The following NRG3 variants were observed in gnomAD, a reference collection of about 807,000 sequenced individuals.
NRG3 encodes neuregulin 3.
In NRG3, 31 loss-of-function variants were observed where a neutral mutation model predicts 66.9. The ratio of observed to expected loss-of-function variants is 0.46; its 90% confidence interval spans 0.35 to 0.63. NRG3 has a LOEUF of 0.63. Ranked by LOEUF, NRG3 falls within the 20% of genes least tolerant of loss-of-function variation. NRG3 has a pLI of 0.00. For synonymous variants in NRG3, 393 were observed against 359.4 expected (o/e 1.09, Z -1.06); for missense variants, 910 against 878.9 (o/e 1.04, Z -0.45).
intron 1 of NRG3, among the ~76,000 whole-genome samples, chr10:82,297,131 C>G (rs1589631829): frequency 6.6e-6 from 1 of 152,164 alleles, no homozygotes; most frequent in Non-Finnish European, 1.5e-5. Context: ...TTTATGGCTG[C>G]ATAGTATTCC....
intron 1 of NRG3, among the ~76,000 whole-genome samples, chr10:82,100,773 A>AT (rs1449026885): frequency 6.6e-6 from 1 of 151,838 alleles, no homozygotes; most frequent in Admixed American, 6.6e-5. Context: ...GTTTTCTAAT[A>AT]TTTTTTGTGC....
At chr10:82,682,946 ATTTTTTTT>A (rs71009814) in intron 2 of NRG3, among the ~76,000 whole-genome samples, 4 of 65,354 alleles carry the variant, frequency 6.1e-5, no homozygotes, top group Admixed American at 4.9e-4. Context: ...CCATGTCTTA[ATTTTTTTT>A]TTTTTTTTTT....
At chr10:82,968,984 A>G (rs1207358664) in intron 6 of NRG3, among the ~76,000 whole-genome samples, 3 of 152,204 alleles carry the variant, frequency 2.0e-5, no homozygotes, top group Admixed American at 6.5e-5. Context: ...AAACTATCAG[A>G]TCTCATGAGA....
intron 2 of NRG3, among the ~76,000 whole-genome samples, chr10:82,542,038 G>A (rs2043578438): frequency 6.6e-6 from 1 of 152,260 alleles, no homozygotes; most frequent in South Asian, 2.1e-4. Flanking sequence ...AGCCCCGCAT[G>A]CATTAGGTAT....
chr10:82,683,125 AT>A (rs1443635052), intron 2 of NRG3, among the ~76,000 whole-genome samples: 8 of 151,472 alleles, frequency 5.3e-5, no homozygotes, highest in African/African-American at 1.7e-4. Flanking sequence ...CGCCCGGCTA[AT>A]TTTTTGTATT....
At chr10:82,764,693 T>A (rs1054479416) in intron 3 of NRG3, among the ~76,000 whole-genome samples, 3 of 152,152 alleles carry the variant, frequency 2.0e-5, no homozygotes, top group Non-Finnish European at 2.9e-5. Flanking sequence ...AAAAAATTTT[T>A]AAAAAAGATA....
intron 1 of NRG3, among the ~76,000 whole-genome samples, chr10:82,309,157 T>C (rs1049702283): frequency 6.6e-6 from 1 of 152,194 alleles, no homozygotes; most frequent in Non-Finnish European, 1.5e-5. Context: ...CCCGTCAAGC[T>C]CTGAATAGAG....
intron 2 of NRG3, among the ~76,000 whole-genome samples, chr10:82,415,633 C>A (rs1395741423): frequency 1.3e-5 from 2 of 152,090 alleles, no homozygotes; most frequent in Non-Finnish European, 2.9e-5. Flanking sequence ...TCCAAGCACA[C>A]TTGAATTTAT....
intron 2 of NRG3, among the ~76,000 whole-genome samples, chr10:82,474,636 G>A (rs1345679819): frequency 6.6e-6 from 1 of 152,028 alleles, no homozygotes; most frequent in African/African-American, 2.4e-5. Flanking sequence ...CATTACCAAG[G>A]GGACCAATGT....
intron 1 of NRG3, among the ~76,000 whole-genome samples, chr10:82,342,095 T>C (rs2082715345): frequency 1.3e-5 from 2 of 149,658 alleles, no homozygotes; most frequent in Admixed American, 1.3e-4. Context: ...TATCATACTA[T>C]ATGATATATA....
At chr10:82,897,415 T>C (rs1236395607) in intron 4 of NRG3, among the ~76,000 whole-genome samples, 2 of 152,218 alleles carry the variant, frequency 1.3e-5, no homozygotes, top group Non-Finnish European at 2.9e-5. Flanking sequence ...AAGATCCATC[T>C]TGAATATAAC....
intron 1 of NRG3, among the ~76,000 whole-genome samples, chr10:82,255,274 A>T (rs563131969): frequency 6.6e-6 from 1 of 152,298 alleles, no homozygotes; most frequent in African/African-American, 2.4e-5. Context: ...ACAGACAAGC[A>T]AAATCTGAGA....
At chr10:82,749,534 C>G (rs973712382) in intron 3 of NRG3, among the ~76,000 whole-genome samples, 8 of 152,112 alleles carry the variant, frequency 5.3e-5, no homozygotes, top group Middle Eastern at 3.2e-3. Flanking sequence ...GCTCAACTCT[C>G]CATACAGTTT....
intron 1 of NRG3, among the ~76,000 whole-genome samples, chr10:82,180,839 T>C (rs1309011148): frequency 6.6e-6 from 1 of 151,886 alleles, no homozygotes; most frequent in Non-Finnish European, 1.5e-5. Context: ...CCTCTTTAAG[T>C]GTTTAGTAGA....
At chr10:82,186,288 A>G (rs1221986817) in intron 1 of NRG3, among the ~76,000 whole-genome samples, 1 of 152,196 alleles carries the variant, frequency 6.6e-6, no homozygotes, top group Non-Finnish European at 1.5e-5. Flanking sequence ...GGAAATCATA[A>G]GAGAAGCATC....
intron 2 of NRG3, among the ~76,000 whole-genome samples, chr10:82,559,530 G>A (rs1342780855): frequency 2.6e-5 from 4 of 152,146 alleles, no homozygotes; most frequent in Non-Finnish European, 2.9e-5. Context: ...TATGAAGAGT[G>A]GTCTTAGTAT....
rs543462430 is a variant in NRG3 at position 82,761,861 on chromosome 10, C to A, written c.1027+23211C>A. 1.3e-3 allele frequency among the ~76,000 whole-genome samples: 190 copies of A among 151,166 alleles called. 1 individual carries two copies. Among genetic ancestry groups the A allele is most frequent in the Non-Finnish European group, 1.9e-3 (130 of 67,682 alleles). ...GCACAAATATAAATTGTATTTTTTTCTTTTTCCTTTTTTTCTTCTTTCTTC... is the reference window on the plus strand; with the variant it reads ...GCACAAATATAAATTGTATTTTTTTATTTTTCCTTTTTTTCTTCTTTCTTC... On this transcript the variant is annotated intron_variant, in intron 3 of 8. Coordinates refer to ENST00000372141, the MANE Select transcript of NRG3 (RefSeq NM_001010848.4).
At position 82,915,328 on chromosome 10, in the gene NRG3, G is replaced by A. The variant is rs544616692; in HGVS notation, c.1055-36141G>A. Among the ~76,000 whole-genome samples, 7 of 152,222 alleles carry A rather than the reference G, an allele frequency of 4.6e-5. No individual in the cohort carries two copies. The East Asian group carries it at 1.4e-3, about 29-fold the overall frequency. ...TGGGAGGATAACAGCAATAACTGCTGAGCTCTTTACATGCCAAAAAAGAAA... is the reference window on the plus strand; with the variant it reads ...TGGGAGGATAACAGCAATAACTGCTAAGCTCTTTACATGCCAAAAAAGAAA... On this transcript the variant is annotated intron_variant, in intron 4 of 8. Coordinates refer to ENST00000372141, the MANE Select transcript of NRG3 (RefSeq NM_001010848.4).
In NRG3 at chr10:82,037,774, G is replaced by A. The variant is rs893229776; in HGVS notation, c.823+161611G>A. 2.6e-5 allele frequency among the ~76,000 whole-genome samples: 4 copies of A among 151,924 alleles called. No individual in the cohort carries two copies. The East Asian group carries it at 7.8e-4, about 29-fold the overall frequency. ...AATATTCATGGCATCTGCCTCACAC[G>A]GGCTTTCCAGGGTTGTTTTGAGAAC... On this transcript the variant is annotated intron_variant, in intron 1 of 8. Coordinates refer to ENST00000372141, the MANE Select transcript of NRG3 (RefSeq NM_001010848.4).
Sources: gnomAD v4.1 joint callset for allele counts (sites outside exome capture counted in the v4.1 genomes callset) on GRCh38, gnomAD v4.1.1 for gene constraint, MANE v1.5 for transcripts, NCBI Gene and HGNC (gene_info 2026-07-23, HGNC 2026-07-21) for gene names.